LTA4H: variants seen among roughly 807,000 people sequenced by gnomAD.
LTA4H encodes leukotriene A-4 hydrolase.
LTA4H carries 59 observed loss-of-function variants against 89.8 expected under a neutral mutation model. That is an observed-to-expected ratio of 0.66 (90% CI 0.53 to 0.82). LTA4H has a LOEUF of 0.82. Ranked by LOEUF, LTA4H falls within the 40% of genes least tolerant of loss-of-function variation. The probability of loss-of-function intolerance (pLI) is 0.00; values close to 1 mark genes in which losing one functional copy is unlikely to be tolerated. For synonymous variants in LTA4H, 227 were observed against 253.1 expected, an observed-to-expected ratio of 0.90 and a Z score of 0.98; for missense variants, 617 against 727.0, an observed-to-expected ratio of 0.85 and a Z score of 1.74.
chr12:96,039,915 A>G (rs1950675875), upstream of LTA4H, among the ~76,000 whole-genome samples: 1 of 152,180 alleles, frequency 6.6e-6, no homozygotes, highest in African/African-American at 2.4e-5. Context: ...GTTCTGTCTT[A>G]CCTCTTGGAT....
chr12:96,014,544 T>A (rs1377015009), intron 12 of LTA4H, among the ~76,000 whole-genome samples: 1 of 152,192 alleles, frequency 6.6e-6, no homozygotes, highest in East Asian at 1.9e-4. Context: ...GGAAAGGGGT[T>A]GATGGACTCT....
intron 10 of LTA4H, among the ~76,000 whole-genome samples, chr12:96,016,242 G>A (rs1232762484): frequency 6.7e-6 from 1 of 149,426 alleles, no homozygotes. Context: ...TGAACTGAGA[G>A]GCAGAGAGAT....
chr12:96,008,834 G>C (rs1317053124), intron 15 of LTA4H, among the ~76,000 whole-genome samples: 3 of 152,176 alleles, frequency 2.0e-5, no homozygotes, highest in African/African-American at 7.2e-5. Context: ...TGGGACAACT[G>C]ACTGAGCCCA....
upstream of LTA4H, among the ~76,000 whole-genome samples, chr12:96,037,505 G>A (rs1950658225): frequency 6.6e-6 from 1 of 152,130 alleles, no homozygotes; most frequent in Non-Finnish European, 1.5e-5. Context: ...TTTGGCAGTG[G>A]GGTGAGAATG....
intron 12 of LTA4H, chr12:96,014,231 AACC>A: frequency 5.7e-6 from 1 of 176,200 alleles, no homozygotes; most frequent in Non-Finnish European, 1.2e-5. Context: ...CAAGTCAATC[AACC>A]AAGGAGAACA....
chr12:96,019,130 C>G (rs1566010936), intron 7 of LTA4H, 38 bp downstream of exon 7: 1 of 1,552,302 alleles, frequency 6.4e-7, no homozygotes, highest in Non-Finnish European at 8.8e-7. Flanking sequence ...AATCTACTGT[C>G]TATCACAATG....
chr12:96,001,946 C>T (rs1950111148), intron 18 of LTA4H, among the ~76,000 whole-genome samples: 1 of 152,174 alleles, frequency 6.6e-6, no homozygotes, highest in East Asian at 1.9e-4. Context: ...CAACCTCTGC[C>T]TCCCGGGTTC....
chr12:96,041,135 A>T (rs553688853), intron 1 of LTA4H, among the ~76,000 whole-genome samples: 3 of 151,930 alleles, frequency 2.0e-5, no homozygotes, highest in South Asian at 2.1e-4. Flanking sequence ...GCTTTGGCAA[A>T]TTTTTTTTAA....
chr12:96,021,688 C>T (rs1013115612), intron 5 of LTA4H, among the ~76,000 whole-genome samples: 14 of 151,984 alleles, frequency 9.2e-5, no homozygotes, highest in Non-Finnish European at 1.5e-4. Context: ...CACACACACA[C>T]ACACACACAC....
In LTA4H at chr12:96,001,021, T is replaced by C. The variant is rs767741827; in HGVS notation, c.1804A>G (p.Met602Val). The change falls in exon 19 of 19, where the codon ATG becomes GTG. Residue 602 changes from methionine (M) to valine (V), a missense_variant. By Grantham distance (21) the Met-to-Val change is conservative. Around this residue, in one of 3 missense-constraint regions of LTA4H, gnomAD observed 290 missense variants for 339.1 expected, o/e 0.86. Transcript: ENST00000228740. ...HKASMHPVTA[M>V]LVGKDLKVD Reference sequence around the variant, plus strand: ...ACTTTTAAGTCTTTCCCCACCAGCATTGCAGTCACGGGATGCATGCTTGCT... The same window carrying C: ...ACTTTTAAGTCTTTCCCCACCAGCACTGCAGTCACGGGATGCATGCTTGCT... 64 of 1,613,880 alleles carry C rather than the reference T, an allele frequency of 4.0e-5. No homozygotes were observed. The highest frequency in any genetic ancestry group is 3.2e-4 in the South Asian group (29 of 91,084).
At chr12:96,021,488 C>T (rs2136900461) in intron 5 of LTA4H, among the ~76,000 whole-genome samples, 1 of 152,214 alleles carries the variant, frequency 6.6e-6, no homozygotes, top group South Asian at 2.1e-4. Flanking sequence ...CTTTTTCCTC[C>T]TGACTTTTAA....
rs145978329 is a variant in LTA4H at position 96,026,651 on chromosome 12, C to CT, written c.411+792dup. Reference sequence around the variant, plus strand: ...ACAGGTCTGATTCATATGCTAATTCCTTTTTTAAATGGACTTGTATTGAAA... The same window carrying CT: ...ACAGGTCTGATTCATATGCTAATTCCTTTTTTTAAATGGACTTGTATTGAAA... On this transcript the variant is annotated intron_variant, in intron 3 of 18. Transcript: ENST00000228740. Among the ~76,000 whole-genome samples, 915 of 152,210 alleles carry CT rather than the reference C, an allele frequency of 6.0e-3. 12 individuals carry two copies. Among genetic ancestry groups the CT allele is most frequent in the African/African-American group, 0.021 (872 of 41,526 alleles).
intron 16 of LTA4H, 110 bp from the exon 17 acceptor site, chr12:96,004,030 T>C (rs1027179886): frequency 9.3e-5 from 46 of 497,086 alleles, no homozygotes; most frequent in Non-Finnish European, 1.5e-4. Context: ...TTTTATAATA[T>C]AGAAATAAGT....
chr12:96,029,351 C>G (rs1429888544), intron 1 of LTA4H, among the ~76,000 whole-genome samples, 166 bp from the exon 2 acceptor site: 2 of 152,038 alleles, frequency 1.3e-5, no homozygotes, highest in Non-Finnish European at 2.9e-5. Flanking sequence ...TTTTGGGACT[C>G]TAAGCATCTT....
At chr12:96,039,546 C>A (rs1274043134), upstream of LTA4H, among the ~76,000 whole-genome samples, 2 of 152,150 alleles carry the variant, frequency 1.3e-5, no homozygotes. Flanking sequence ...ATGATTATTG[C>A]TGTTGGCTTT....
intron 3 of LTA4H, among the ~76,000 whole-genome samples, chr12:96,026,015 A>G (rs548775697): frequency 3.3e-5 from 5 of 152,252 alleles, no homozygotes; most frequent in Admixed American, 3.3e-4. Context: ...TCATTCCACC[A>G]CAAGCTTTCT....
At chr12:96,037,989 C>A (rs1054235404), upstream of LTA4H, among the ~76,000 whole-genome samples, 1 of 151,912 alleles carries the variant, frequency 6.6e-6, no homozygotes, top group Non-Finnish European at 1.5e-5. Flanking sequence ...CGCGCCCGGC[C>A]GAGAAAGAAT....
intron 6 of LTA4H, among the ~76,000 whole-genome samples, chr12:96,019,988 C>T (rs1266063235): frequency 6.6e-6 from 1 of 151,602 alleles, no homozygotes; most frequent in Non-Finnish European, 1.5e-5. Flanking sequence ...ACTGCAGCCT[C>T]CACCTCCTGG....
chr12:96,024,135 T>C (rs551464348), intron 4 of LTA4H, among the ~76,000 whole-genome samples: 2 of 152,190 alleles, frequency 1.3e-5, no homozygotes, highest in South Asian at 2.1e-4. Context: ...GGTTTCACCA[T>C]GTTAGCCAGG....
Sources: gnomAD v4.1 joint callset for allele counts (sites outside exome capture counted in the v4.1 genomes callset) on GRCh38, gnomAD v4.1.1 for gene constraint, gnomAD v4.1.1 regional missense constraint, MANE v1.5 for transcripts, NCBI Gene and HGNC (gene_info 2026-07-23, HGNC 2026-07-21) for gene names.